The following SCN1A variants were observed in gnomAD, a reference collection of about 807,000 sequenced individuals.
SCN1A encodes sodium voltage-gated channel alpha subunit 1.
In SCN1A, 13 loss-of-function variants were observed where a neutral mutation model predicts 193.7. That is an observed-to-expected ratio of 0.07 (90% CI 0.04 to 0.11). SCN1A has a LOEUF of 0.11. Ranked by LOEUF, SCN1A falls within the 10% of genes least tolerant of loss-of-function variation. SCN1A has a pLI of 1.00. For missense variants in SCN1A, 1,432 were observed against 2,451.1 expected, an observed-to-expected ratio of 0.58 and a Z score of 8.78; for synonymous variants, 781 against 843.6, an observed-to-expected ratio of 0.93 and a Z score of 1.29.
At position 166,046,954 on chromosome 2, in the gene SCN1A, G is replaced by A. The variant is rs774937055; in HGVS notation, c.1193C>T (p.Thr398Met). 27 of 1,613,586 alleles carry A rather than the reference G, an allele frequency of 1.7e-5. No homozygotes were observed. The East Asian group carries it at 3.3e-4, about 20-fold the overall frequency. Reference protein sequence around the residue: ...YQLTLRAAGKTYMIFFVLVIF... With the variant: ...YQLTLRAAGKMYMIFFVLVIF... ...GACCAATACAAAAAATATCATGTAC[G>A]TTTTCCCAGCAGCACGTAATGTCTG... is the stretch of plus-strand genomic sequence containing the variant. The change falls in exon 12 of 29, where the codon ACG becomes ATG. Residue 398 changes from threonine (T) to methionine (M), a missense_variant. Thr to Met is a moderately conservative substitution (Grantham distance 81). Coordinates refer to ENST00000674923, the MANE Select transcript of SCN1A (RefSeq NM_001165963.4).
intron 26 of SCN1A, 185 bp from the exon 27 acceptor site, chr2:165,996,302 A>C: frequency 2.3e-6 from 1 of 439,258 alleles, no homozygotes; most frequent in Non-Finnish European, 4.1e-6. Context: ...TAATTCCCTA[A>C]ATAATTCAAA....
chr2:166,013,990 G>T, intron 20 of SCN1A, 92 bp from the exon 21 acceptor site: 2 of 1,412,222 alleles, frequency 1.4e-6, no homozygotes, highest in African/African-American at 1.4e-5. Flanking sequence ...TTATTACTAT[G>T]CTCATCTCTG....
Position 165,987,620 on chromosome 2 carries a change from T to C in SCN1A, c.*3625A>G, listed in dbSNP as rs997551474. 6.6e-5 allele frequency: 10 copies of C among 152,308 alleles called. No homozygotes were observed. The South Asian group carries it at 2.1e-3, about 32-fold the overall frequency. 9.4% of individuals were successfully genotyped at this position (152,308 alleles called of 1,614,324 possible). The stretch of plus-strand genomic sequence containing the variant: ...TTCAATGAATTATAATCTTTTACTA[T>C]CATTTATTTTGATGCTCAACTTGCC... On this transcript the variant is annotated 3_prime_UTR_variant, in exon 29 of 29. Coordinates refer to ENST00000674923, the MANE Select transcript of SCN1A (RefSeq NM_001165963.4).
In SCN1A at chr2:166,038,063, C is replaced by A; in HGVS notation, c.2659G>T (p.Val887Leu). 6.2e-7 allele frequency: 1 copy of A among 1,614,114 alleles called. No individual in the cohort carries two copies. The highest frequency in any genetic ancestry group is 8.5e-7 in the Non-Finnish European group (1 of 1,180,010). Residue 887 changes from valine (V) to leucine (L), a missense_variant, in exon 18 of 29, where the codon GTG becomes TTG. By Grantham distance (32) the Val-to-Leu change is conservative. Coordinates refer to ENST00000674923, the MANE Select transcript of SCN1A (RefSeq NM_001165963.4). ...NMLIKIIGNS[V>L]GALGNLTLVL... The stretch of plus-strand genomic sequence containing the variant: ...AGGGTTAAATTTCCCAGAGCCCCCA[C>A]GGAATTGCCGATGATCTTTATTAGC...
chr2:166,091,867 T>TTGAA (rs771844650), intron 2 of SCN1A, among the ~76,000 whole-genome samples: 127 of 152,222 alleles, frequency 8.3e-4, no homozygotes, highest in Non-Finnish European at 9.4e-4. Context: ...TAATTTTTTT[T>TTGAA]TGAATGAATG....
At position 165,990,574 on chromosome 2, in the gene SCN1A, A is replaced by C. The variant is rs1432046155; in HGVS notation, c.*671T>G. 6.5e-6 allele frequency: 1 copy of C among 152,678 alleles called. No individual in the cohort carries two copies. The allele number at this position is 152,678 out of a possible 1,614,324, so 9.5% of individuals were successfully genotyped here. ...TTTCGCAAAACAAGATCAACAAAGC[A>C]CCTCCACTTATCACCCAATTACCCC... On this transcript the variant is annotated 3_prime_UTR_variant, in exon 29 of 29. Coordinates refer to ENST00000674923, the MANE Select transcript of SCN1A (RefSeq NM_001165963.4).
At position 166,118,302 on chromosome 2, in the gene SCN1A, CTTTTTTTTTTTT is replaced by C. The variant is rs61002916; in HGVS notation, c.-142+8610_-142+8621del. 3.2e-4 allele frequency among the ~76,000 whole-genome samples: 26 copies of C among 81,114 alleles called. 3 individuals are homozygous for C. The highest frequency in any genetic ancestry group is 1.1e-3 in the African/African-American group (21 of 19,790). 53.2% of individuals were successfully genotyped at this position (81,114 alleles called of 152,430 possible). A position where few individuals can be genotyped will look rare whatever the true frequency, so the allele number is the denominator to read the frequency against. On this transcript the variant is annotated intron_variant, in intron 2 of 28. Coordinates refer to ENST00000674923, the MANE Select transcript of SCN1A (RefSeq NM_001165963.4). ...TTGCTTACTGATTTCTATTTAGTTT[CTTTTTTTTTTTT>C]TTTTTTTTTTTTTTTTGAGAAAGCG...
At chr2:165,985,102 T>G (rs1688526805), downstream of SCN1A, 1 of 152,004 alleles carries the variant, frequency 6.6e-6, no homozygotes, top group Non-Finnish European at 1.5e-5. Flanking sequence ...TTTTTAAGAT[T>G]AGAAAAACTG....
chr2:166,056,584 T>C (rs1426925365), intron 5 of SCN1A, 84 bp from the exon 6 acceptor site: 2 of 962,518 alleles, frequency 2.1e-6, no homozygotes, highest in Non-Finnish European at 3.4e-6. Flanking sequence ...AAGCCCAAAC[T>C]GCAGCTTAGC....
At position 165,989,179 on chromosome 2, in the gene SCN1A, T is replaced by C. The variant is rs1573931222; in HGVS notation, c.*2066A>G. 1 of 152,538 alleles carries C rather than the reference T, an allele frequency of 6.6e-6. No individual in the cohort carries two copies. Among genetic ancestry groups the C allele is most frequent in the African/African-American group, 2.4e-5 (1 of 41,430 alleles). The allele number at this position is 152,538 out of a possible 1,614,324, so 9.4% of individuals were successfully genotyped here. A position where few individuals can be genotyped will look rare whatever the true frequency, so the allele number is the denominator to read the frequency against. ...AAACAATAAAATAAAAAATGTAATC[T>C]TTATTAGTTTTGCACATTTTAAATG... On this transcript the variant is annotated 3_prime_UTR_variant, in exon 29 of 29. Coordinates refer to ENST00000674923, the MANE Select transcript of SCN1A (RefSeq NM_001165963.4).
chr2:166,059,895 C>CTT (rs57390222), intron 4 of SCN1A, among the ~76,000 whole-genome samples: 28,775 of 151,560 alleles, frequency 0.19, 3,103 homozygotes, highest in East Asian at 0.33. Flanking sequence ...AAATTAAGCA[C>CTT]TTTCTATCTG....
chr2:166,113,451 T>C, intron 2 of SCN1A, among the ~76,000 whole-genome samples: 1 of 152,156 alleles, frequency 6.6e-6, no homozygotes, highest in Non-Finnish European at 1.5e-5. Context: ...ACTGTTTTAC[T>C]CTAAGTCCCA....
At chr2:165,996,186 G>T in intron 26 of SCN1A, 69 bp from the exon 27 acceptor site, 1 of 905,842 alleles carries the variant, frequency 1.1e-6, no homozygotes. Flanking sequence ...TGTTAAAATA[G>T]AAAATGGATG....
chr2:165,999,684 CA>C, intron 25 of SCN1A, 38 bp downstream of exon 25: 1 of 1,356,924 alleles, frequency 7.4e-7, no homozygotes. Flanking sequence ...ACCACCTGAT[CA>C]ATATTGTAAA....
intron 6 of SCN1A, 84 bp from the exon 7 acceptor site, chr2:166,054,850 T>C: frequency 1.6e-6 from 2 of 1,255,770 alleles, no homozygotes; most frequent in Non-Finnish European, 2.3e-6. Context: ...ATCAGTGGAA[T>C]AGATAAATAC....
At chr2:166,091,662 G>T (rs1686819257) in intron 2 of SCN1A, among the ~76,000 whole-genome samples, 1 of 152,174 alleles carries the variant, frequency 6.6e-6, no homozygotes, top group Non-Finnish European at 1.5e-5. Flanking sequence ...AGCAAGACAA[G>T]ACCCTTTTCC....
intron 21 of SCN1A, among the ~76,000 whole-genome samples, chr2:166,013,078 A>T (rs1464939437): frequency 6.6e-6 from 1 of 151,216 alleles, no homozygotes; most frequent in Non-Finnish European, 1.5e-5. Context: ...TATCTATGGT[A>T]TTTCCTTTGT....
At position 166,043,921 on chromosome 2, in the gene SCN1A, G is replaced by C; in HGVS notation, c.1791C>G (p.Thr597=). Residue 597 remains threonine (T), a synonymous_variant, in exon 14 of 29, where the codon ACC becomes ACG. Transcript: ENST00000674923. The stretch of plus-strand genomic sequence containing the variant: ...CTCTACGGCTCTCGTTATCCTCAAA[G>C]GTGCTGTGCTCATCATCTGCGAAGT... ...ENDFADDEHS[T]FEDNESRRDS... The C allele has an allele frequency of 6.2e-7, 1 of 1,614,116 alleles. No homozygotes were observed. Among genetic ancestry groups the C allele is most frequent in the Non-Finnish European group, 8.5e-7 (1 of 1,180,012 alleles).
intron 24 of SCN1A, among the ~76,000 whole-genome samples, chr2:166,001,484 T>A (rs1690834905): frequency 6.6e-6 from 1 of 151,766 alleles, no homozygotes; most frequent in African/African-American, 2.4e-5. Context: ...GTTAGTCTTC[T>A]GGTTGAACAG....
Sources: gnomAD v4.1 joint callset for allele counts (sites outside exome capture counted in the v4.1 genomes callset) on GRCh38, gnomAD v4.1.1 for gene constraint, MANE v1.5 for transcripts, NCBI Gene and HGNC (gene_info 2026-07-23, HGNC 2026-07-21) for gene names.